L3MBTL4: variants seen among roughly 807,000 people sequenced by gnomAD.
L3MBTL4 encodes the protein L3MBTL histone methyl-lysine binding protein 4.
L3MBTL4 carries 70 observed loss-of-function variants against 84.5 expected under a neutral mutation model. That is an observed-to-expected ratio of 0.83 (90% CI 0.68 to 1.01). The LOEUF (loss-of-function observed/expected upper bound fraction) is 1.01, where lower values mean the gene tolerates loss of function less well. Among genes scored for constraint, L3MBTL4 ranks in the 50% least tolerant of loss-of-function variants. The probability of loss-of-function intolerance (pLI) is 0.00; values close to 1 mark genes in which losing one functional copy is unlikely to be tolerated. For synonymous variants in L3MBTL4, 274 were observed against 259.8 expected, an observed-to-expected ratio of 1.05 and a Z score of -0.52; for missense variants, 715 against 754.8, an observed-to-expected ratio of 0.95 and a Z score of 0.62.
chr18:6,406,305 A>G (rs1412165840), intron 1 of L3MBTL4, among the ~76,000 whole-genome samples: 2 of 152,272 alleles, frequency 1.3e-5, no homozygotes, highest in South Asian at 2.1e-4. Context: ...ATTAACAATC[A>G]TGACACTTGT....
chr18:6,280,336 C>T (rs958393223), intron 4 of L3MBTL4, among the ~76,000 whole-genome samples: 17 of 152,286 alleles, frequency 1.1e-4, no homozygotes, highest in African/African-American at 3.4e-4. Flanking sequence ...GGGCATTTTC[C>T]CCACTGAGCT....
chr18:6,005,313 T>C (rs2054423769), intron 16 of L3MBTL4, among the ~76,000 whole-genome samples: 1 of 150,918 alleles, frequency 6.6e-6, no homozygotes. Flanking sequence ...ACCACTGTAC[T>C]CCAGCCTGGG....
chr18:6,108,361 T>C (rs2059081241), intron 14 of L3MBTL4, among the ~76,000 whole-genome samples: 1 of 152,156 alleles, frequency 6.6e-6, no homozygotes, highest in South Asian at 2.1e-4. Context: ...TTCGTCAATT[T>C]AAAAAACTGT....
chr18:6,111,859 TCTA>T (rs1316795287), intron 14 of L3MBTL4, among the ~76,000 whole-genome samples: 1 of 152,192 alleles, frequency 6.6e-6, no homozygotes, highest in Non-Finnish European at 1.5e-5. Flanking sequence ...ACAATTAAAA[TCTA>T]CTCTCTTAGC....
At chr18:5,969,331 CT>C in intron 17 of L3MBTL4, 61 bp downstream of exon 17, 1 of 1,580,168 alleles carries the variant, frequency 6.3e-7, no homozygotes. Flanking sequence ...CAGTGGGCAC[CT>C]TCCGCCTATT....
At chr18:6,197,300 T>C (rs1266422648) in intron 12 of L3MBTL4, among the ~76,000 whole-genome samples, 1 of 152,130 alleles carries the variant, frequency 6.6e-6, no homozygotes, top group African/African-American at 2.4e-5. Flanking sequence ...TGTGTGTTGT[T>C]CCCCTCCCTG....
intron 1 of L3MBTL4, among the ~76,000 whole-genome samples, chr18:6,406,613 G>A (rs371696280): frequency 2.8e-4 from 43 of 152,188 alleles, no homozygotes; most frequent in African/African-American, 7.5e-4. Context: ...GATAGTTTTC[G>A]TTGTCACAGC....
chr18:6,024,927 C>T (rs905918820), intron 16 of L3MBTL4, among the ~76,000 whole-genome samples: 11 of 152,296 alleles, frequency 7.2e-5, no homozygotes, highest in South Asian at 2.1e-4. Flanking sequence ...AAGTTCACTA[C>T]GCCTCCTGCA....
intron 4 of L3MBTL4, among the ~76,000 whole-genome samples, chr18:6,289,479 G>A (rs1431113342): frequency 6.6e-6 from 1 of 152,106 alleles, no homozygotes; most frequent in African/African-American, 2.4e-5. Flanking sequence ...GATCCTTTTA[G>A]TTTCCCTAGT....
chr18:6,170,745 G>C (rs769338024), intron 13 of L3MBTL4, among the ~76,000 whole-genome samples: 38 of 152,206 alleles, frequency 2.5e-4, no homozygotes, highest in Middle Eastern at 3.4e-3. Context: ...TATTGGGGGG[G>C]GTTCACATAA....
intron 4 of L3MBTL4, among the ~76,000 whole-genome samples, chr18:6,292,776 T>C (rs2049923825): frequency 6.6e-6 from 1 of 152,114 alleles, no homozygotes; most frequent in Non-Finnish European, 1.5e-5. Context: ...GAACACAACA[T>C]TGCTCCAAGC....
chr18:6,050,133 C>CT (rs1344280590), intron 16 of L3MBTL4, among the ~76,000 whole-genome samples: 3 of 152,074 alleles, frequency 2.0e-5, no homozygotes, highest in Non-Finnish European at 2.9e-5. Flanking sequence ...AGAGGCCAAA[C>CT]TTTTTTTAAA....
At chr18:5,981,495 G>A (rs1456073584) in intron 16 of L3MBTL4, among the ~76,000 whole-genome samples, 4 of 152,124 alleles carry the variant, frequency 2.6e-5, no homozygotes, top group South Asian at 2.1e-4. Flanking sequence ...TGTGCTCTTC[G>A]TTATGGGATT....
chr18:6,193,460 G>A lies in L3MBTL4; in HGVS notation c.981+19689C>T, dbSNP rs1301126855. On this transcript the variant is annotated intron_variant, in intron 12 of 18. Transcript: ENST00000317931. ...AAATCTCTCACCTCCAGCCCCCAAA[G>A]GGCCCATGTGCAAGGGCTGCAGAGC... 2.6e-5 allele frequency among the ~76,000 whole-genome samples: 4 copies of A among 152,180 alleles called. No individual in the cohort carries two copies. The East Asian group carries it at 7.7e-4, about 29-fold the overall frequency.
At chr18:5,992,202 A>G (rs2053731625) in intron 16 of L3MBTL4, among the ~76,000 whole-genome samples, 1 of 152,206 alleles carries the variant, frequency 6.6e-6, no homozygotes, top group African/African-American at 2.4e-5. Context: ...ACAATAGGGC[A>G]TGATGAGGAG....
intron 13 of L3MBTL4, among the ~76,000 whole-genome samples, chr18:6,146,024 G>A (rs1359831715): frequency 6.6e-6 from 1 of 152,220 alleles, no homozygotes; most frequent in Non-Finnish European, 1.5e-5. Context: ...TGATATTTGA[G>A]CAGAATCCTA....
At chr18:6,068,872 A>G (rs953077490) in intron 16 of L3MBTL4, among the ~76,000 whole-genome samples, 4 of 152,166 alleles carry the variant, frequency 2.6e-5, no homozygotes, top group Non-Finnish European at 5.9e-5. Context: ...AAGGCCTGCC[A>G]TTCAGATTCT....
At chr18:6,090,075 G>A (rs1234005080) in intron 15 of L3MBTL4, among the ~76,000 whole-genome samples, 5 of 152,124 alleles carry the variant, frequency 3.3e-5, no homozygotes, top group African/African-American at 1.2e-4. Flanking sequence ...AGAAACTCAA[G>A]TGTAAGCTAT....
intron 14 of L3MBTL4, among the ~76,000 whole-genome samples, chr18:6,131,594 A>G (rs534071750): frequency 6.6e-6 from 1 of 152,174 alleles, no homozygotes; most frequent in Admixed American, 6.5e-5. Context: ...AGAAATGATG[A>G]TTATATTAAT....
Sources: gnomAD v4.1 joint callset for allele counts (sites outside exome capture counted in the v4.1 genomes callset) on GRCh38, gnomAD v4.1.1 for gene constraint, MANE v1.5 for transcripts, NCBI Gene and HGNC (gene_info 2026-07-23, HGNC 2026-07-21) for gene names.